The following FOXP1 variants were observed in gnomAD, a reference collection of about 807,000 sequenced individuals.
FOXP1 encodes forkhead box P1, also known as forkhead box protein P1.
Under a neutral mutation model 98.2 loss-of-function variants are expected in FOXP1, and 15 were observed. The ratio of observed to expected loss-of-function variants is 0.15; its 90% confidence interval spans 0.10 to 0.24. FOXP1 has a LOEUF of 0.24. FOXP1 is among the 10% of genes least tolerant of loss of function. The probability of loss-of-function intolerance (pLI) is 1.00; values close to 1 mark genes in which losing one functional copy is unlikely to be tolerated. For missense variants in FOXP1, 633 were observed against 848.5 expected (o/e 0.75, Z 3.15); for synonymous variants, 371 against 314.5 (o/e 1.18, Z -1.90).
intron 2 of FOXP1, among the ~76,000 whole-genome samples, chr3:71,532,139 G>T (rs1159481806): frequency 6.6e-6 from 1 of 152,086 alleles, no homozygotes; most frequent in Non-Finnish European, 1.5e-5. Flanking sequence ...TCACTGTGTT[G>T]CCCAGACTGG....
chr3:71,201,832 G>A (rs916030355), intron 5 of FOXP1, among the ~76,000 whole-genome samples: 8 of 151,908 alleles, frequency 5.3e-5, no homozygotes, highest in Non-Finnish European at 1.0e-4. Context: ...TTCCTTCTGG[G>A]AATACCTTCC....
chr3:71,019,673 A>G (rs2045103127), intron 11 of FOXP1, among the ~76,000 whole-genome samples: 1 of 152,140 alleles, frequency 6.6e-6, no homozygotes, highest in Non-Finnish European at 1.5e-5. Flanking sequence ...CTACTAAAAA[A>G]TACAAAAATT....
rs2050224807 is a variant in FOXP1 at position 71,053,736 on chromosome 3, A to G, written c.320T>C (p.Ile107Thr). 2.5e-6 allele frequency: 4 copies of G among 1,614,066 alleles called. No homozygotes were observed. The highest frequency in any genetic ancestry group is 2.2e-5 in the East Asian group (1 of 44,866). ...VSVAMMTPQV[I>T]TPQQMQQILQ... ...GATCTGCTGCATTTGCTGGGGAGTG[A>G]TAACTTGAGGTGTCATCATAGCCAC... Residue 107 changes from isoleucine to threonine, a missense_variant, in exon 8 of 21, where the codon ATC becomes ACC. Physicochemically the swap from Ile to Thr is moderately conservative, Grantham distance 89. Coordinates refer to ENST00000649528, the MANE Select transcript of FOXP1 (RefSeq NM_001349338.3).
At chr3:71,027,641 T>C (rs2046307158) in intron 11 of FOXP1, among the ~76,000 whole-genome samples, 1 of 152,216 alleles carries the variant, frequency 6.6e-6, no homozygotes, top group Non-Finnish European at 1.5e-5. Flanking sequence ...GGGATGCATA[T>C]GACCTACATC....
At chr3:70,981,091 C>G (rs182489638) in intron 14 of FOXP1, among the ~76,000 whole-genome samples, 1 of 144,466 alleles carries the variant, frequency 6.9e-6, no homozygotes, top group African/African-American at 2.6e-5. Context: ...TTCACAGCTA[C>G]GAAGAATAGA....
At chr3:71,291,175 G>A (rs1295461986) in intron 5 of FOXP1, among the ~76,000 whole-genome samples, 1 of 152,138 alleles carries the variant, frequency 6.6e-6, no homozygotes, top group African/African-American at 2.4e-5. Flanking sequence ...AGAGGGCTTG[G>A]TGGCTGTGCT....
intron 3 of FOXP1, among the ~76,000 whole-genome samples, chr3:71,492,509 C>T (rs1035470483): frequency 3.3e-5 from 5 of 151,926 alleles, no homozygotes; most frequent in African/African-American, 1.2e-4. Context: ...TGCCAGGTTA[C>T]TATTAAGCCT....
At chr3:71,282,370 A>G (rs879645906) in intron 5 of FOXP1, among the ~76,000 whole-genome samples, 1 of 151,764 alleles carries the variant, frequency 6.6e-6, no homozygotes, top group Admixed American at 6.6e-5. Context: ...TTTATTAAAG[A>G]TATTTAAAAA....
intron 5 of FOXP1, among the ~76,000 whole-genome samples, chr3:71,209,166 G>C (rs1474908451): frequency 6.6e-6 from 1 of 152,158 alleles, no homozygotes; most frequent in African/African-American, 2.4e-5. Flanking sequence ...ATAAGACCAA[G>C]AGACCTCAGT....
Position 71,105,058 on chromosome 3 carries a change from C to T in FOXP1, c.282+7478G>A, listed in dbSNP as rs140172438. Among the ~76,000 whole-genome samples, 835 of 152,310 alleles carry T rather than the reference C, an allele frequency of 5.5e-3. 9 individuals are homozygous for T. Among genetic ancestry groups the T allele is most frequent in the African/African-American group, 0.019 (786 of 41,560 alleles). On this transcript the variant is annotated intron_variant, in intron 7 of 20. Coordinates refer to ENST00000649528, the MANE Select transcript of FOXP1 (RefSeq NM_001349338.3). ...CAAGTTCAATCTAGTTATTAAGCAGCTGATTGTGGAACCACGTTGCTTCGA... is the reference window on the plus strand; with the variant it reads ...CAAGTTCAATCTAGTTATTAAGCAGTTGATTGTGGAACCACGTTGCTTCGA...
chr3:71,449,828 T>A (rs1382606673), intron 3 of FOXP1, among the ~76,000 whole-genome samples: 1 of 152,208 alleles, frequency 6.6e-6, no homozygotes, highest in African/African-American at 2.4e-5. Flanking sequence ...AGATAAATAT[T>A]CACAAAGTTT....
At chr3:71,120,053 G>A (rs1196107617) in intron 6 of FOXP1, among the ~76,000 whole-genome samples, 1 of 152,200 alleles carries the variant, frequency 6.6e-6, no homozygotes, top group Non-Finnish European at 1.5e-5. Context: ...ATACACAAGA[G>A]AAGAAAGAAA....
At chr3:71,545,400 A>T (rs1224400008) in intron 2 of FOXP1, among the ~76,000 whole-genome samples, 1 of 152,218 alleles carries the variant, frequency 6.6e-6, no homozygotes, top group Non-Finnish European at 1.5e-5. Context: ...ATCATTCCAA[A>T]ATGTAAATCC....
intron 4 of FOXP1, among the ~76,000 whole-genome samples, chr3:71,320,118 G>A (rs1010608270): frequency 2.6e-5 from 4 of 151,988 alleles, no homozygotes; most frequent in Non-Finnish European, 4.4e-5. Flanking sequence ...AATGTACAAC[G>A]TTCCATCAAT....
In FOXP1 at chr3:71,583,640, C is replaced by T; in HGVS notation, c.-516G>A. The T allele has an allele frequency of 1.0e-6, 1 of 984,496 alleles. No homozygotes were observed. Among genetic ancestry groups the T allele is most frequent in the Non-Finnish European group, 1.2e-6 (1 of 829,640 alleles). 61.0% of individuals were successfully genotyped at this position (984,496 alleles called of 1,614,324 possible). A position where few individuals can be genotyped will look rare whatever the true frequency, so the allele number is the denominator to read the frequency against. ...CTTTCCCCGCGCGCGCCCACTCCCG[C>T]CCGCGCGCGCACCCCGCGCACACAC... On this transcript the variant is annotated 5_prime_UTR_variant, in exon 1 of 21. Transcript: ENST00000649528.
chr3:71,054,169 C>T (rs2050298850), intron 7 of FOXP1, among the ~76,000 whole-genome samples: 1 of 152,196 alleles, frequency 6.6e-6, no homozygotes. Context: ...AGCACCTTTG[C>T]AGGTGGAGCC....
intron 3 of FOXP1, among the ~76,000 whole-genome samples, chr3:71,444,742 G>C (rs761132508): frequency 2.0e-5 from 3 of 152,182 alleles, no homozygotes; most frequent in Non-Finnish European, 4.4e-5. Context: ...CCAAGGCTCA[G>C]AGGAGTGCGG....
intron 3 of FOXP1, among the ~76,000 whole-genome samples, chr3:71,419,525 G>C (rs574765158): frequency 2.0e-5 from 3 of 152,058 alleles, no homozygotes; most frequent in East Asian, 3.9e-4. Context: ...CCTAACACCT[G>C]CTCTCAACAG....
chr3:71,475,246 C>T (rs1450772981), intron 3 of FOXP1, among the ~76,000 whole-genome samples: 2 of 152,086 alleles, frequency 1.3e-5, no homozygotes, highest in African/African-American at 4.8e-5. Context: ...CAAGGAACAC[C>T]CAAGCATTTT....
Sources: allele counts gnomAD v4.1 joint callset (sites outside exome capture counted in the v4.1 genomes callset), GRCh38; gene constraint gnomAD v4.1.1; transcripts MANE v1.5; gene names NCBI Gene and HGNC (gene_info 2026-07-23, HGNC 2026-07-21).